The following FAP variants were observed in gnomAD, a reference collection of about 807,000 sequenced individuals.
FAP encodes the protein fibroblast activation protein alpha, also known as prolyl endopeptidase FAP.
Under a neutral mutation model 126.5 loss-of-function variants are expected in FAP, and 110 were observed. That is an observed-to-expected ratio of 0.87 (90% CI 0.74 to 1.02). FAP has a LOEUF of 1.02. Ranked by LOEUF, FAP falls within the 50% of genes least tolerant of loss-of-function variation. The pLI, the probability that FAP is intolerant of heterozygous loss-of-function variation, is 0.00. For synonymous variants in FAP, 334 were observed against 297.3 expected (o/e 1.12, Z -1.27); for missense variants, 919 against 909.2 (o/e 1.01, Z -0.14).
intron 2 of FAP, among the ~76,000 whole-genome samples, chr2:162,236,182 T>C (rs138196142): frequency 3.8e-4 from 58 of 152,336 alleles, no homozygotes; most frequent in Admixed American, 1.8e-3. Flanking sequence ...ATCCTTTTTA[T>C]ATATTGCTGG....
At chr2:162,206,038 A>G (rs1193113876) in intron 12 of FAP, among the ~76,000 whole-genome samples, 1 of 152,220 alleles carries the variant, frequency 6.6e-6, no homozygotes, top group Non-Finnish European at 1.5e-5. Context: ...GCAGAGTGTT[A>G]TGTTTTAAGA....
At chr2:162,196,621 A>G (rs1422115695) in intron 16 of FAP, among the ~76,000 whole-genome samples, 2 of 151,482 alleles carry the variant, frequency 1.3e-5, no homozygotes, top group Non-Finnish European at 2.9e-5. Context: ...TCAGACCTTG[A>G]GAAGCCTACC....
chr2:162,184,894 A>G (rs71424730), intron 20 of FAP, among the ~76,000 whole-genome samples: 9,700 of 152,176 alleles, frequency 0.064, 352 homozygotes, highest in African/African-American at 0.084. Flanking sequence ...TAAAGAGCAA[A>G]TAACAGGTGA....
At chr2:162,227,102 T>A (rs1559791964) in intron 2 of FAP, among the ~76,000 whole-genome samples, 2 of 152,154 alleles carry the variant, frequency 1.3e-5, no homozygotes, top group Non-Finnish European at 2.9e-5. Flanking sequence ...GATTTATCAA[T>A]GATGTATTTT....
intron 6 of FAP, among the ~76,000 whole-genome samples, chr2:162,221,227 G>C (rs1018324397): frequency 1.3e-5 from 2 of 152,050 alleles, no homozygotes; most frequent in African/African-American, 4.8e-5. Context: ...TGTTGAAAGG[G>C]ATGCAAGAGC....
intron 4 of FAP, among the ~76,000 whole-genome samples, 166 bp from the exon 5 acceptor site, chr2:162,224,706 T>G (rs1172270496): frequency 6.6e-6 from 1 of 152,076 alleles, no homozygotes; most frequent in Non-Finnish European, 1.5e-5. Context: ...TCAAAGAAAT[T>G]TACTAGATAC....
intron 25 of FAP, 25 bp downstream of exon 25, chr2:162,172,786 A>T (rs1362999965): frequency 1.3e-6 from 2 of 1,543,374 alleles, no homozygotes; most frequent in East Asian, 4.5e-5. Context: ...AAGGCCATGA[A>T]CATGAGTAAA....
chr2:162,225,581 T>C lies in FAP; in HGVS notation c.191-4A>G, dbSNP rs1689610842. 5 of 1,579,918 alleles carry C rather than the reference T, an allele frequency of 3.2e-6. No individual in the cohort carries two copies. The highest frequency in any genetic ancestry group is 3.4e-6 in the Non-Finnish European group (4 of 1,165,670). ...GATTGATGAAGATATTCTTGTCCTT[T>C]AAACAAGAAAGAAAACAAAATGTAA... On this transcript the variant is annotated splice_region_variant and splice_polypyrimidine_tract_variant and intron_variant, in intron 3 of 25. Coordinates refer to ENST00000188790, the MANE Select transcript of FAP (RefSeq NM_004460.5).
At chr2:162,236,318 A>G (rs1319500194) in intron 2 of FAP, among the ~76,000 whole-genome samples, 1 of 152,216 alleles carries the variant, frequency 6.6e-6, no homozygotes, top group East Asian at 1.9e-4. Context: ...AATACCTTAT[A>G]GAATGAGTTG....
At chr2:162,215,842 G>A in intron 10 of FAP, 56 bp downstream of exon 10, 1 of 1,249,980 alleles carries the variant, frequency 8.0e-7, no homozygotes, top group Non-Finnish European at 1.2e-6. Flanking sequence ...AGCATGCACA[G>A]CATAAATGCA....
chr2:162,175,086 G>A, intron 21 of FAP, 120 bp from the exon 22 acceptor site: 1 of 634,094 alleles, frequency 1.6e-6, no homozygotes, highest in Non-Finnish European at 2.8e-6. Context: ...GGCTAAGGGT[G>A]GATTACATGT....
intron 25 of FAP, chr2:162,171,352 G>A (rs1687298322): frequency 3.5e-6 from 1 of 283,320 alleles, no homozygotes; most frequent in Admixed American, 4.7e-5. Context: ...TCAGGATCAG[G>A]CATCAGAGTT....
chr2:162,192,036 C>A (rs1688066661), intron 17 of FAP, among the ~76,000 whole-genome samples: 1 of 152,080 alleles, frequency 6.6e-6, no homozygotes, highest in Non-Finnish European at 1.5e-5. Flanking sequence ...TCTATGTTTT[C>A]CTTCCATTTT....
chr2:162,179,784 A>T (rs867692373), intron 21 of FAP, among the ~76,000 whole-genome samples: 1 of 64,026 alleles, frequency 1.6e-5, no homozygotes, highest in Admixed American at 2.7e-4. Flanking sequence ...CTATCTATCT[A>T]TCTATCTATA....
At chr2:162,191,433 C>T (rs1480706856) in intron 17 of FAP, among the ~76,000 whole-genome samples, 2 of 152,048 alleles carry the variant, frequency 1.3e-5, no homozygotes, top group Non-Finnish European at 2.9e-5. Context: ...CTGGGCTTCT[C>T]AATAAGGCTG....
At chr2:162,238,653 A>G (rs918216833) in intron 2 of FAP, among the ~76,000 whole-genome samples, 3 of 152,216 alleles carry the variant, frequency 2.0e-5, no homozygotes, top group Non-Finnish European at 4.4e-5. Flanking sequence ...AAATAAGCTT[A>G]AAACTCTTAA....
intron 2 of FAP, among the ~76,000 whole-genome samples, chr2:162,227,106 G>T (rs1689686649): frequency 6.6e-6 from 1 of 152,144 alleles, no homozygotes; most frequent in African/African-American, 2.4e-5. Context: ...TATCAATGAT[G>T]TATTTTAGCA....
intron 21 of FAP, chr2:162,176,031 G>T (rs1687472916): frequency 6.6e-6 from 1 of 152,160 alleles, no homozygotes; most frequent in African/African-American, 2.4e-5. Context: ...TCCAGCTAAA[G>T]CCATACCATG....
intron 25 of FAP, 97 bp downstream of exon 25, chr2:162,172,714 G>A: frequency 1.3e-6 from 1 of 776,006 alleles, no homozygotes; most frequent in East Asian, 2.7e-5. Flanking sequence ...CTCTTTGTCA[G>A]ATTTTACTTT....
Sources: allele counts gnomAD v4.1 joint callset (sites outside exome capture counted in the v4.1 genomes callset), GRCh38; gene constraint gnomAD v4.1.1; transcripts MANE v1.5; gene names NCBI Gene and HGNC (gene_info 2026-07-23, HGNC 2026-07-21).